Variants in CIBAR2 observed in about 807,000 individuals in gnomAD.
CIBAR2 encodes the protein CBY1 interacting BAR domain containing 2, also known as CBY1-interacting BAR domain-containing protein 2.
CIBAR2 carries 38 observed loss-of-function variants against 36.2 expected under a neutral mutation model. The ratio of observed to expected loss-of-function variants is 1.05; its 90% CI spans 0.81 to 1.38. The LOEUF (loss-of-function observed/expected upper bound fraction) is 1.38. Ranked by LOEUF, CIBAR2 falls within the 40% of genes most tolerant of loss-of-function variation. CIBAR2 has a pLI of 0.00. For missense variants in CIBAR2, 481 were observed against 383.4 expected, an observed-to-expected ratio of 1.25 and a Z score of -2.13; for synonymous variants, 182 against 149.5, an observed-to-expected ratio of 1.22 and a Z score of -1.58.
chr16:85,099,081 C>G lies in CIBAR2; in HGVS notation c.*104G>C. ...TGAAGACAAGGTCTTTGAATTAACA[C>G]AATCCAACAAAGACAAAGAAAAAAG... On this transcript the variant is annotated 3_prime_UTR_variant, in exon 9 of 9. Transcript: ENST00000539556. The G allele has an allele frequency of 7.5e-7, 1 of 1,331,294 alleles. No homozygotes were observed. The highest frequency in any genetic ancestry group is 1.7e-5 in the South Asian group (1 of 57,848). 82.5% of individuals were successfully genotyped at this position (1,331,294 alleles called of 1,614,324 possible).
Position 85,107,883 on chromosome 16 carries a change from T to G in CIBAR2, c.389A>C (p.Lys130Thr), listed in dbSNP as rs376548850. Residue 130 changes from lysine (K) to threonine (T), a missense_variant, in exon 4 of 9, where the codon AAA (lysine) becomes ACA (threonine). By Grantham distance (78) the Lys-to-Thr change is moderately conservative (BLOSUM62 -1). Coordinates refer to ENST00000539556, the MANE Select transcript of CIBAR2 (RefSeq NM_198491.3). ...ATCCGAGGGTGACTTCTGCCTCAGT[T>G]TCTCCAGTTTTTCCAGTTGTTTGAT... Reference protein sequence around the residue: ...HEIKQLEKLEKLRQKSPSDQQ... With the variant: ...HEIKQLEKLETLRQKSPSDQQ... The G allele has an allele frequency of 6.2e-7, 1 of 1,614,136 alleles. No homozygotes were observed. Among genetic ancestry groups the G allele is most frequent in the South Asian group, 1.1e-5 (1 of 91,084 alleles).
At chr16:85,110,179 A>G (rs762677968) in intron 2 of CIBAR2, 47 bp downstream of exon 2, 1 of 1,440,008 alleles carries the variant, frequency 6.9e-7, no homozygotes, top group Non-Finnish European at 9.4e-7. Context: ...TTGGCATTGG[A>G]GCCTGGGTAC....
chr16:85,105,027 A>T (rs1297413729), intron 6 of CIBAR2, among the ~76,000 whole-genome samples: 5 of 152,136 alleles, frequency 3.3e-5, no homozygotes, highest in Admixed American at 3.3e-4. Context: ...GGAAGTGGGG[A>T]GTGTGTGTGG....
At chr16:85,107,419 G>T (rs972236220) in intron 5 of CIBAR2, among the ~76,000 whole-genome samples, 1 of 152,148 alleles carries the variant, frequency 6.6e-6, no homozygotes, top group Non-Finnish European at 1.5e-5. Flanking sequence ...CCTGATGTGA[G>T]CATTAAACAG....
At chr16:85,099,404 T>G in intron 8 of CIBAR2, 58 bp from the exon 9 acceptor site, 1 of 956,504 alleles carries the variant, frequency 1.0e-6, no homozygotes, top group Non-Finnish European at 1.7e-6. Context: ...AGGTAACATC[T>G]AATGTATGTA....
Position 85,098,847 on chromosome 16 carries a change from C to G in CIBAR2, c.*338G>C. On this transcript the variant is annotated 3_prime_UTR_variant, in exon 9 of 9. Transcript: ENST00000539556. ...ACGGAGGTTACTGTTCTAAGCCACTCTGCAGGCGAGGACTCTAAGGCACAG... is the reference window on the plus strand; with the variant it reads ...ACGGAGGTTACTGTTCTAAGCCACTGTGCAGGCGAGGACTCTAAGGCACAG... 1 of 225,946 alleles carries G rather than the reference C, an allele frequency of 4.4e-6. No individual in the cohort carries two copies. Among genetic ancestry groups the G allele is most frequent in the Non-Finnish European group, 7.9e-6 (1 of 125,906 alleles). The allele number at this position is 225,946 out of a possible 1,614,324, so 14.0% of individuals were successfully genotyped here.
intron 6 of CIBAR2, among the ~76,000 whole-genome samples, chr16:85,103,145 C>T (rs1360770114): frequency 4.6e-5 from 7 of 152,196 alleles, no homozygotes; most frequent in African/African-American, 7.2e-5. Flanking sequence ...TCAAGTGATC[C>T]GCAGGAGGGC....
At chr16:85,103,664 G>A (rs1173530123) in intron 6 of CIBAR2, among the ~76,000 whole-genome samples, 4 of 152,224 alleles carry the variant, frequency 2.6e-5, no homozygotes, top group Non-Finnish European at 5.9e-5. Context: ...CATGTAGGCA[G>A]CGTGAGCACT....
At chr16:85,104,890 G>C (rs2073983457) in intron 6 of CIBAR2, among the ~76,000 whole-genome samples, 1 of 152,144 alleles carries the variant, frequency 6.6e-6, no homozygotes. Context: ...TTGTGGTGCT[G>C]GGGTGGGGAT....
chr16:85,109,555 G>A (rs142326132), intron 2 of CIBAR2, among the ~76,000 whole-genome samples: 182 of 152,268 alleles, frequency 1.2e-3, no homozygotes, highest in African/African-American at 3.9e-3. Context: ...ATAAAGTCTT[G>A]TACTGTCTCC....
At position 85,110,333 on chromosome 16, in the gene CIBAR2, C is replaced by A. The variant is rs774816773; in HGVS notation, c.148G>T (p.Val50Phe). The change falls in exon 2 of 9, where the codon GTC (valine) becomes TTC (phenylalanine). Residue 50 changes from valine to phenylalanine, a missense_variant. Physicochemically the swap from Val to Phe is conservative, Grantham distance 50 (BLOSUM62 -1). Transcript: ENST00000539556. Reference sequence around the variant, plus strand: ...TTGGCAAAGTCGATGAGCTGCTTGACCAGCTGGTCCGCCTTGTCCCGCAGC... The same window carrying A: ...TTGGCAAAGTCGATGAGCTGCTTGAACAGCTGGTCCGCCTTGTCCCGCAGC... ...ARLRDKADQLVKQLIDFANSE... is the reference protein window; with the variant it reads ...ARLRDKADQLFKQLIDFANSE... The A allele has an allele frequency of 6.2e-7, 1 of 1,613,056 alleles. No individual in the cohort carries two copies. Among genetic ancestry groups the A allele is most frequent in the Admixed American group, 1.7e-5 (1 of 59,858 alleles).
At chr16:85,100,314 G>C (rs2073945810) in intron 7 of CIBAR2, 74 bp from the exon 8 acceptor site, 3 of 896,608 alleles carry the variant, frequency 3.3e-6, no homozygotes, top group African/African-American at 1.6e-5. Flanking sequence ...GGGATGGAAA[G>C]ACGGTGGGGA....
chr16:85,100,013 C>A (rs2073942665), intron 8 of CIBAR2, 126 bp downstream of exon 8: 1 of 724,374 alleles, frequency 1.4e-6, no homozygotes. Flanking sequence ...ACCCCTGCCT[C>A]CTCAGCCTCC....
Position 85,110,475 on chromosome 16 carries a change from A to G in CIBAR2, c.21-15T>C. ...CCTGGCTGTCCCTGTGGAGGCGGGG[A>G]CCTGAGCAGCCATTCTGGGCAGAGA... On this transcript the variant is annotated splice_polypyrimidine_tract_variant and intron_variant, in intron 1 of 8. Transcript: ENST00000539556. 6.4e-7 allele frequency: 1 copy of G among 1,564,384 alleles called. No individual in the cohort carries two copies. The highest frequency in any genetic ancestry group is 8.7e-7 in the Non-Finnish European group (1 of 1,148,342).
chr16:85,102,686 T>C (rs2073965041), intron 6 of CIBAR2, among the ~76,000 whole-genome samples: 1 of 152,158 alleles, frequency 6.6e-6, no homozygotes, highest in African/African-American at 2.4e-5. Flanking sequence ...ATATAAAGTA[T>C]GCCAAAGTGT....
intron 2 of CIBAR2, among the ~76,000 whole-genome samples, chr16:85,108,507 C>T (rs1265006826): frequency 3.3e-5 from 5 of 152,234 alleles, no homozygotes; most frequent in African/African-American, 9.6e-5. Context: ...AACTGCCACA[C>T]AGGGTGGCGA....
chr16:85,110,799 G>A (rs1347993678), intron 1 of CIBAR2, among the ~76,000 whole-genome samples: 1 of 148,784 alleles, frequency 6.7e-6, no homozygotes, highest in Non-Finnish European at 1.5e-5. Context: ...CTGCCTCCTG[G>A]TTTCAAGTAA....
Position 85,108,101 on chromosome 16 carries a change from TG to T in CIBAR2, c.256-3del. 1 of 1,608,442 alleles carries T rather than the reference TG, an allele frequency of 6.2e-7. No homozygotes were observed. ...CACCTTGGTCTCCAGCCTCTCGACC[TG>T]GGGGAGCGGGGACACCAGGGGATCT... On this transcript the variant is annotated splice_region_variant and splice_polypyrimidine_tract_variant and intron_variant, in intron 2 of 8. Transcript: ENST00000539556.
chr16:85,102,091 A>G (rs2073959856), intron 7 of CIBAR2, 123 bp downstream of exon 7: 5 of 636,040 alleles, frequency 7.9e-6, no homozygotes, highest in South Asian at 7.6e-5. Flanking sequence ...CTTCATCAGC[A>G]TGAGTCTTCA....
Sources: allele counts gnomAD v4.1 joint callset (sites outside exome capture counted in the v4.1 genomes callset), GRCh38; gene constraint gnomAD v4.1.1; transcripts MANE v1.5; gene names NCBI Gene and HGNC (gene_info 2026-07-23, HGNC 2026-07-21).